The following MYCBP2 variants were observed in gnomAD, a reference collection of about 807,000 sequenced individuals.
MYCBP2 encodes the protein MYC binding protein 2, also known as E3 ubiquitin-protein ligase MYCBP2.
In MYCBP2, 120 loss-of-function variants were observed where a neutral mutation model predicts 525.3. That is an observed-to-expected ratio of 0.23 (90% CI 0.20 to 0.27). The LOEUF is 0.27. MYCBP2 is among the 10% of genes least tolerant of loss of function. MYCBP2 has a pLI of 1.00. For synonymous variants in MYCBP2, 1,894 were observed against 1,955.8 expected, an observed-to-expected ratio of 0.97 and a Z score of 0.83; for missense variants, 4,149 against 5,657.1, an observed-to-expected ratio of 0.73 and a Z score of 8.55.
intron 14 of MYCBP2, among the ~76,000 whole-genome samples, chr13:77,253,618 G>T (rs1367638342): frequency 6.8e-6 from 1 of 148,100 alleles, no homozygotes; most frequent in Non-Finnish European, 1.5e-5. Flanking sequence ...TTTCTGGGCT[G>T]CTGGTAATAT....
chr13:77,311,555 GTT>G (rs1413537383), intron 1 of MYCBP2, among the ~76,000 whole-genome samples: 1 of 142,154 alleles, frequency 7.0e-6, no homozygotes, highest in South Asian at 2.3e-4. Flanking sequence ...GGAAAGAGAA[GTT>G]TTTTTTTGTT....
intron 1 of MYCBP2, among the ~76,000 whole-genome samples, chr13:77,321,995 T>C (rs2081707194): frequency 6.6e-6 from 1 of 151,960 alleles, no homozygotes; most frequent in Admixed American, 6.6e-5. Context: ...ACCCTGTGTC[T>C]ACAAAAAATA....
At chr13:77,238,491 A>G (rs1033393886) in intron 17 of MYCBP2, among the ~76,000 whole-genome samples, 1 of 152,216 alleles carries the variant, frequency 6.6e-6, no homozygotes, top group Non-Finnish European at 1.5e-5. Context: ...TGACTTCAAG[A>G]GCCCTACTTA....
intron 52 of MYCBP2, among the ~76,000 whole-genome samples, chr13:77,131,462 TG>T: frequency 6.6e-6 from 1 of 151,258 alleles, no homozygotes; most frequent in Non-Finnish European, 1.5e-5. Context: ...AAGTCCAGCT[TG>T]GGCAACAACA....
At chr13:77,123,404 T>C (rs1347083899) in intron 54 of MYCBP2, among the ~76,000 whole-genome samples, 2 of 152,232 alleles carry the variant, frequency 1.3e-5, no homozygotes, top group Non-Finnish European at 2.9e-5. Flanking sequence ...GCATTTTATC[T>C]TGAAAGAAGC....
intron 55 of MYCBP2, among the ~76,000 whole-genome samples, chr13:77,115,300 A>G (rs2049534513): frequency 6.6e-6 from 1 of 151,814 alleles, no homozygotes; most frequent in Admixed American, 6.6e-5. Context: ...ATCATTCTCC[A>G]CTTTGGTTCA....
intron 70 of MYCBP2, among the ~76,000 whole-genome samples, chr13:77,068,222 G>A (rs897933334): frequency 1.3e-5 from 2 of 151,950 alleles, no homozygotes; most frequent in African/African-American, 4.8e-5. Context: ...CTATTCAAAT[G>A]GTAATAGTAG....
chr13:77,281,479 G>A (rs999695041), intron 3 of MYCBP2, among the ~76,000 whole-genome samples: 2 of 151,962 alleles, frequency 1.3e-5, no homozygotes, highest in Admixed American at 1.3e-4. Flanking sequence ...TTTCCATAAC[G>A]AACTATAACT....
chr13:77,121,175 T>A, intron 55 of MYCBP2, 198 bp downstream of exon 55: 1 of 416,104 alleles, frequency 2.4e-6, no homozygotes, highest in Non-Finnish European at 3.9e-6. Context: ...AAGCCAAAAC[T>A]GGTTAAAAAC....
intron 2 of MYCBP2, among the ~76,000 whole-genome samples, chr13:77,291,999 C>T (rs1398707158): frequency 2.0e-5 from 3 of 152,192 alleles, no homozygotes; most frequent in Non-Finnish European, 4.4e-5. Flanking sequence ...TGTCAGACTG[C>T]TCTGCATGTA....
chr13:77,301,448 A>AAAAAAAAC (rs1555470570), intron 1 of MYCBP2, among the ~76,000 whole-genome samples: 1 of 113,872 alleles, frequency 8.8e-6, no homozygotes. Context: ...AAAAAAAAAA[A>AAAAAAAAC]AGAGGCTGGG....
At chr13:77,274,398 C>A (rs116845341) in intron 4 of MYCBP2, among the ~76,000 whole-genome samples, 1 of 151,674 alleles carries the variant, frequency 6.6e-6, no homozygotes, top group East Asian at 1.9e-4. Context: ...AGAACGGAGA[C>A]TTGAAAATCC....
chr13:77,230,683 G>A (rs965496630), intron 18 of MYCBP2, among the ~76,000 whole-genome samples: 1 of 152,188 alleles, frequency 6.6e-6, no homozygotes, highest in Non-Finnish European at 1.5e-5. Flanking sequence ...CTATCAGAAA[G>A]CAAAGGTACC....
rs1431156324 is a variant in MYCBP2 at position 77,326,996 on chromosome 13, C to G, written c.-221G>C. On this transcript the variant is annotated 5_prime_UTR_variant, in exon 1 of 83. Coordinates refer to ENST00000544440, the MANE Select transcript of MYCBP2 (RefSeq NM_015057.5). This position sits in a 1 kb window ranked among gnomAD's most constrained non-coding sequence, Gnocchi z 4.2. ...GCTACTGGGGCCGCTCATCTAACCC[C>G]GCCACCCCGGGAATGTGAGGAGGAG... The G allele has an allele frequency of 6.7e-6, 3 of 449,036 alleles. No individual in the cohort carries two copies. The highest frequency in any genetic ancestry group is 1.1e-5 in the Non-Finnish European group (3 of 262,878). The allele number at this position is 449,036 out of a possible 1,614,324, so 27.8% of individuals were successfully genotyped here.
intron 60 of MYCBP2, among the ~76,000 whole-genome samples, 178 bp from the exon 61 acceptor site, chr13:77,089,209 C>T (rs1000638441): frequency 3.3e-5 from 5 of 152,046 alleles, no homozygotes; most frequent in Non-Finnish European, 5.9e-5. Flanking sequence ...ATATGTTACT[C>T]TCTGAAAGTC....
intron 2 of MYCBP2, among the ~76,000 whole-genome samples, chr13:77,295,913 C>T (rs1469136217): frequency 6.6e-6 from 1 of 152,152 alleles, no homozygotes; most frequent in Non-Finnish European, 1.5e-5. Flanking sequence ...CACCAAGTTT[C>T]CCTAATTCCT....
At position 77,064,746 on chromosome 13, in the gene MYCBP2, A is replaced by G. The variant is rs1566348853; in HGVS notation, c.12553-12T>C. The G allele has an allele frequency of 1.2e-6, 2 of 1,604,948 alleles. No homozygotes were observed. The highest frequency in any genetic ancestry group is 1.7e-6 in the Non-Finnish European group (2 of 1,176,074). On this transcript the variant is annotated splice_polypyrimidine_tract_variant and intron_variant, in intron 72 of 82. Transcript: ENST00000544440. ...TCTGACAGATGACCCTATTGAGCAG[A>G]ACAGAGTATTTTAATAAGTGACCAG...
Position 77,281,502 on chromosome 13 carries a change from CAT to C in MYCBP2, c.595-2593_595-2592del, listed in dbSNP as rs2076185855. Reference sequence around the variant, plus strand: ...ACGAACTATAACTAATTACCCAACACATGCTTTCGCACTTCTCTTCAGAAAAT... The same window carrying C: ...ACGAACTATAACTAATTACCCAACACGCTTTCGCACTTCTCTTCAGAAAAT... On this transcript the variant is annotated intron_variant, in intron 3 of 82. Coordinates refer to ENST00000544440, the MANE Select transcript of MYCBP2 (RefSeq NM_015057.5). Among the ~76,000 whole-genome samples the C allele has an allele frequency of 2.0e-5, 3 of 152,138 alleles. No individual in the cohort carries two copies. In the South Asian group the frequency reaches 6.2e-4, roughly 31 times the overall value.
chr13:77,269,996 G>C lies in MYCBP2; in HGVS notation c.1256C>G (p.Ala419Gly). Residue 419 changes from alanine to glycine, a missense_variant, in exon 7 of 83, where the codon GCT becomes GGT. Ala to Gly is a moderately conservative substitution (Grantham distance 60). Coordinates refer to ENST00000544440, the MANE Select transcript of MYCBP2 (RefSeq NM_015057.5). ...TTATTGTGGATAGTTTCTTACCTGAGCATACCCTAACCAAGACTTTTTTTC... is the reference window on the plus strand; with the variant it reads ...TTATTGTGGATAGTTTCTTACCTGACCATACCCTAACCAAGACTTTTTTTC... Reference protein sequence around the residue: ...RKEKKSWLGYAQGYLLYRDVN... With the variant: ...RKEKKSWLGYGQGYLLYRDVN... 6.2e-7 allele frequency: 1 copy of C among 1,611,462 alleles called. No individual in the cohort carries two copies. The highest frequency in any genetic ancestry group is 8.5e-7 in the Non-Finnish European group (1 of 1,179,064).
Sources: allele counts gnomAD v4.1 joint callset (sites outside exome capture counted in the v4.1 genomes callset), GRCh38; gene constraint gnomAD v4.1.1; non-coding constraint Gnocchi (gnomAD v3.1); transcripts MANE v1.5; gene names NCBI Gene and HGNC (gene_info 2026-07-23, HGNC 2026-07-21).